Variants in EVC observed in about 807,000 individuals in gnomAD.
EVC encodes the protein EvC ciliary complex subunit 1, also known as evC complex member EVC.
Under a neutral mutation model 118.9 loss-of-function variants are expected in EVC, and 116 were observed. The ratio of observed to expected loss-of-function variants is 0.98; its 90% confidence interval spans 0.84 to 1.14. The LOEUF is 1.14. Ranked by LOEUF, EVC falls within the 50% of genes most tolerant of loss-of-function variation. The pLI, the probability that EVC is intolerant of heterozygous loss-of-function variation, is 0.00. For synonymous variants in EVC, 619 were observed against 534.7 expected (o/e 1.16, Z -2.18); for missense variants, 1,401 against 1,246.4 (o/e 1.12, Z -1.87).
chr4:5,796,802 C>T (rs914602506), intron 13 of EVC, among the ~76,000 whole-genome samples: 4 of 151,644 alleles, frequency 2.6e-5, no homozygotes, highest in African/African-American at 9.7e-5. Flanking sequence ...ATTGGACAGC[C>T]AGGCAGGATG....
At chr4:5,779,319 T>C (rs1735232677) in intron 11 of EVC, among the ~76,000 whole-genome samples, 1 of 152,096 alleles carries the variant, frequency 6.6e-6, no homozygotes, top group Non-Finnish European at 1.5e-5. Context: ...GACTTGGCGA[T>C]GCGGGCTCCT....
At chr4:5,770,876 C>G (rs1297953749) in intron 11 of EVC, among the ~76,000 whole-genome samples, 1 of 151,770 alleles carries the variant, frequency 6.6e-6, no homozygotes, top group Non-Finnish European at 1.5e-5. Context: ...AGCCAGGTGT[C>G]GTGGGGTGTG....
At chr4:5,781,150 C>T (rs1326632164) in intron 11 of EVC, among the ~76,000 whole-genome samples, 2 of 152,082 alleles carry the variant, frequency 1.3e-5, no homozygotes, top group Non-Finnish European at 2.9e-5. Flanking sequence ...GAGTGCCTTG[C>T]CAGAAAAGGA....
chr4:5,791,961 C>G (rs1014781629), intron 12 of EVC, among the ~76,000 whole-genome samples: 5 of 152,214 alleles, frequency 3.3e-5, no homozygotes, highest in African/African-American at 1.2e-4. Flanking sequence ...ATAACCCAAT[C>G]TGTTCAGCCT....
chr4:5,758,789 C>G (rs1482749605), intron 11 of EVC, among the ~76,000 whole-genome samples: 1 of 152,210 alleles, frequency 6.6e-6, no homozygotes. Flanking sequence ...AACCATGCTG[C>G]TCAGTGTTGA....
In EVC at chr4:5,784,670, C is replaced by T. The variant is rs186661689; in HGVS notation, c.1776+906C>T. ...CTGTCCAGGCTGGAGTGCAATGGTG[C>T]GATCTTGGCTCACTGCAACCTCCGC... is the stretch of plus-strand genomic sequence containing the variant. On this transcript the variant is annotated intron_variant, in intron 12 of 20. Coordinates refer to ENST00000264956, the MANE Select transcript of EVC (RefSeq NM_153717.3). 3.6e-3 allele frequency among the ~76,000 whole-genome samples: 479 copies of T among 134,558 alleles called. 1 individual carries two copies. The highest frequency in any genetic ancestry group is 0.013 in the African/African-American group (453 of 35,288). 88.3% of individuals were successfully genotyped at this position (134,558 alleles called of 152,430 possible). A position where few individuals can be genotyped will look rare whatever the true frequency, so the allele number is the denominator to read the frequency against.
At chr4:5,766,872 A>G (rs1732954342) in intron 11 of EVC, among the ~76,000 whole-genome samples, 1 of 151,608 alleles carries the variant, frequency 6.6e-6, no homozygotes, top group Non-Finnish European at 1.5e-5. Flanking sequence ...GCTCAGAGTA[A>G]TTTGATCGTC....
chr4:5,827,746 C>CACACAT, the EVC span, among the ~76,000 whole-genome samples: 15,617 of 152,004 alleles, frequency 0.1, 946 homozygotes, highest in African/African-American at 0.18. Flanking sequence ...CACACACACA[C>CACACAT]ACACACACGA....
At chr4:5,739,574 A>G (rs1728205001) in intron 5 of EVC, among the ~76,000 whole-genome samples, 1 of 152,232 alleles carries the variant, frequency 6.6e-6, no homozygotes, top group Non-Finnish European at 1.5e-5. Flanking sequence ...TTAATCCATT[A>G]AAAGAAGGAT....
At position 5,756,329 on chromosome 4, in the gene EVC, CAG is replaced by C; in HGVS notation, c.1533_1534del (p.Arg511SerfsTer44). ...GTGACCTGGAGGAAGAGGAGAATGT[CAG>C]AGCCACCGAGGCTGTGGTTGCACTC... ...QCDLEEEENVRATEAVVALCQ... is the reference protein window; with the variant it reads ...QCDLEEEENVXATEAVVALCQ... On this transcript the variant is annotated frameshift_variant, in exon 11 of 21. Transcript: ENST00000264956. LOFTEE classifies it high-confidence loss of function. The surrounding 1 kb of genome is among the most constrained non-coding windows in gnomAD (Gnocchi z 4.2). 1 of 1,612,252 alleles carries C rather than the reference CAG, an allele frequency of 6.2e-7. No individual in the cohort carries two copies.
chr4:5,739,015 A>G (rs1016412845), intron 5 of EVC, among the ~76,000 whole-genome samples: 3 of 152,178 alleles, frequency 2.0e-5, no homozygotes, highest in Admixed American at 1.3e-4. Context: ...TAGCTTTTAT[A>G]TGCACTAGAA....
rs1313412055 is a variant in EVC, at chr4:5,758,200, C to G, written c.1563+1838C>G. On this transcript the variant is annotated intron_variant, in intron 11 of 20. Transcript: ENST00000264956. ...GCAGCCACCAAAAGCCAGAAGAGCC[C>G]AGGAAGGGCCCCTCCCAGAGCCTTT... 5.6e-5 allele frequency: 39 copies of G among 695,796 alleles called. No individual in the cohort carries two copies. The Admixed American group carries it at 7.7e-4, about 14-fold the overall frequency. The allele number at this position is 695,796 out of a possible 1,614,324, so 43.1% of individuals were successfully genotyped here.
intron 11 of EVC, among the ~76,000 whole-genome samples, chr4:5,771,888 T>C (rs1444493810): frequency 7.7e-6 from 1 of 129,670 alleles, no homozygotes; most frequent in Non-Finnish European, 1.6e-5. Context: ...CTTTTTATTT[T>C]ATTTTATTTT....
intron 7 of EVC, among the ~76,000 whole-genome samples, chr4:5,747,704 A>G (rs991984409): frequency 6.6e-6 from 1 of 152,260 alleles, no homozygotes; most frequent in African/African-American, 2.4e-5. Context: ...TCTCTGCCAT[A>G]TTAAGCTTTT....
At chr4:5,753,108 G>A in intron 9 of EVC, 56 bp downstream of exon 9, 1 of 1,496,206 alleles carries the variant, frequency 6.7e-7, no homozygotes, top group East Asian at 2.4e-5. Context: ...GGGTCCCTGG[G>A]GCTGTGCAGT....
chr4:5,828,055 CA>C, the EVC span: 1 of 985,416 alleles, frequency 1.0e-6, no homozygotes, highest in African/African-American at 1.7e-5. Context: ...TGCAAGATGC[CA>C]GGGGTAACAC....
Position 5,789,010 on chromosome 4 carries a change from TC to T in EVC, c.1777-4596del, listed in dbSNP as rs545532694. On this transcript the variant is annotated intron_variant, in intron 12 of 20. Coordinates refer to ENST00000264956, the MANE Select transcript of EVC (RefSeq NM_153717.3). The surrounding 1 kb of genome is among the most constrained non-coding windows in gnomAD (Gnocchi z 4.3). The stretch of plus-strand genomic sequence containing the variant: ...GATTGGACGTCCCTGTTTTAAGACA[TC>T]CTGTATGCCACTAATTTTTAGGATA... Among the ~76,000 whole-genome samples the T allele has an allele frequency of 3.2e-4, 49 of 152,312 alleles. No individual in the cohort carries two copies. In the South Asian group the frequency reaches 0.01, roughly 32 times the overall value.
chr4:5,826,487 A>AGGACGG, the EVC span: 3 of 152,348 alleles, frequency 2.0e-5, no homozygotes, highest in Admixed American at 6.6e-5. Flanking sequence ...CAGGAGGACG[A>AGGACGG]GGAAGGAGGG....
the EVC span, among the ~76,000 whole-genome samples, chr4:5,822,887 C>T: frequency 6.6e-6 from 1 of 152,218 alleles, no homozygotes; most frequent in Admixed American, 6.5e-5. Flanking sequence ...GCACAAAGCC[C>T]TCTTCGGCAC....
Sources: allele counts gnomAD v4.1 joint callset (sites outside exome capture counted in the v4.1 genomes callset), GRCh38; gene constraint gnomAD v4.1.1; non-coding constraint Gnocchi (gnomAD v3.1); transcripts MANE v1.5; gene names NCBI Gene and HGNC (gene_info 2026-07-23, HGNC 2026-07-21).